Variants in SPAG16 observed in about 807,000 individuals in gnomAD.
The protein encoded by SPAG16 is sperm associated antigen 16, also known as sperm-associated antigen 16 protein.
A neutral mutation model predicts 80.4 loss-of-function variants in SPAG16; 86 were observed. The observed-to-expected ratio is 1.07, with a 90% confidence interval of 0.90 to 1.28. SPAG16 has a LOEUF of 1.28. Among genes scored for constraint, SPAG16 ranks in the 50% most tolerant of loss-of-function variants. The probability of loss-of-function intolerance (pLI) is 0.00; values close to 1 mark genes in which losing one functional copy is unlikely to be tolerated. For missense variants in SPAG16, 870 were observed against 765.3 expected (o/e 1.14, Z -1.61); for synonymous variants, 294 against 265.9 (o/e 1.11, Z -1.03).
rs78950603 is a variant in SPAG16 at position 214,389,638 on chromosome 2, G to A, written c.1721-20502G>A. On this transcript the variant is annotated intron_variant, in intron 15 of 15. Transcript: ENST00000331683. Reference sequence around the variant, plus strand: ...GACAGTAATAGGAGTGTTTAAGTAAGAGAACAAGCTTAATAGAGATGCCAC... The same window carrying A: ...GACAGTAATAGGAGTGTTTAAGTAAAAGAACAAGCTTAATAGAGATGCCAC... Among the ~76,000 whole-genome samples, 43 of 152,308 alleles carry A rather than the reference G, an allele frequency of 2.8e-4. No individual in the cohort carries two copies. The East Asian group carries it at 8.3e-3, about 29-fold the overall frequency.
chr2:214,208,547 CATAGTATA>C (rs1002469770), intron 15 of SPAG16, among the ~76,000 whole-genome samples: 10 of 152,144 alleles, frequency 6.6e-5, no homozygotes, highest in African/African-American at 2.4e-4. Context: ...ACATATCAGT[CATAGTATA>C]ATAGTATAAT....
intron 9 of SPAG16, among the ~76,000 whole-genome samples, chr2:213,474,498 TTA>T (rs1380025482): frequency 1.3e-5 from 2 of 152,134 alleles, no homozygotes; most frequent in Non-Finnish European, 2.9e-5. Flanking sequence ...GTCAAAGGTA[TTA>T]TATATATAGT....
intron 15 of SPAG16, among the ~76,000 whole-genome samples, chr2:214,401,576 T>A (rs1270432154): frequency 6.6e-6 from 1 of 151,948 alleles, no homozygotes; most frequent in Admixed American, 6.6e-5. Context: ...GAATGAATAA[T>A]CATGAGAAAT....
At chr2:213,928,763 T>C (rs936236824) in intron 11 of SPAG16, among the ~76,000 whole-genome samples, 9 of 152,130 alleles carry the variant, frequency 5.9e-5, no homozygotes, top group Non-Finnish European at 1.0e-4. Flanking sequence ...CATAAAACAG[T>C]CTGGCAGGGA....
intron 10 of SPAG16, among the ~76,000 whole-genome samples, chr2:213,537,406 A>G (rs1247814545): frequency 6.6e-6 from 1 of 152,114 alleles, no homozygotes; most frequent in Non-Finnish European, 1.5e-5. Flanking sequence ...CAAGGAAATA[A>G]TTACTAGATG....
At chr2:213,416,741 C>A (rs1358345811) in intron 9 of SPAG16, among the ~76,000 whole-genome samples, 2 of 152,044 alleles carry the variant, frequency 1.3e-5, no homozygotes, top group African/African-American at 4.8e-5. Context: ...TTGGATCCAG[C>A]CACAAGAGGA....
chr2:214,216,667 C>A (rs1204041097), intron 15 of SPAG16, among the ~76,000 whole-genome samples: 5 of 152,190 alleles, frequency 3.3e-5, no homozygotes, highest in Non-Finnish European at 7.3e-5. Context: ...TACATTTTTG[C>A]AGTACAAATA....
chr2:214,402,844 A>G (rs1701789348), intron 15 of SPAG16, among the ~76,000 whole-genome samples: 3 of 152,020 alleles, frequency 2.0e-5, no homozygotes, highest in African/African-American at 7.2e-5. Flanking sequence ...CACTAGGGCG[A>G]CCATGAATAT....
At chr2:213,825,707 T>C (rs1490861942) in intron 10 of SPAG16, among the ~76,000 whole-genome samples, 15 of 28,362 alleles carry the variant, frequency 5.3e-4, no homozygotes, top group South Asian at 0.013. Context: ...CTTTCTTTTT[T>C]TTTTTTTTTT....
chr2:214,254,519 G>A (rs146525077), intron 15 of SPAG16, among the ~76,000 whole-genome samples: 71 of 151,808 alleles, frequency 4.7e-4, no homozygotes, highest in Middle Eastern at 3.4e-3. Context: ...TAGGCGGGCT[G>A]TATATCTTAA....
chr2:214,385,996 G>T lies in SPAG16; in HGVS notation c.1721-24144G>T, dbSNP rs569663067. On this transcript the variant is annotated intron_variant, in intron 15 of 15. Transcript: ENST00000331683. ...TGCTTTCACATGGTCTCTTTTTCGG[G>T]ATCTTGATTTTCTATTAATATTCCA... 1.2e-3 allele frequency among the ~76,000 whole-genome samples: 183 copies of T among 152,176 alleles called. 1 individual carries two copies. Among genetic ancestry groups the T allele is most frequent in the African/African-American group, 4.3e-3 (178 of 41,504 alleles).
intron 10 of SPAG16, among the ~76,000 whole-genome samples, chr2:213,709,046 C>T (rs1361709416): frequency 6.6e-6 from 1 of 152,108 alleles, no homozygotes; most frequent in South Asian, 2.1e-4. Context: ...TCTGACTGCC[C>T]TCTAGCAAAA....
intron 15 of SPAG16, among the ~76,000 whole-genome samples, chr2:214,298,113 T>C (rs10203639): frequency 0.094 from 3,853 of 41,164 alleles, 60 homozygotes; most frequent in Admixed American, 0.13. Flanking sequence ...TATATATATA[T>C]ACACACACAC....
At chr2:213,881,244 TC>T (rs2076333054) in intron 11 of SPAG16, among the ~76,000 whole-genome samples, 1 of 152,162 alleles carries the variant, frequency 6.6e-6, no homozygotes, top group Non-Finnish European at 1.5e-5. Flanking sequence ...GAGATTGTGT[TC>T]CTGATTTGAC....
chr2:213,488,752 A>G (rs1444527246), intron 9 of SPAG16, among the ~76,000 whole-genome samples: 1 of 152,146 alleles, frequency 6.6e-6, no homozygotes, highest in Non-Finnish European at 1.5e-5. Context: ...GAAAATTTCT[A>G]TACGAATATG....
intron 10 of SPAG16, among the ~76,000 whole-genome samples, chr2:213,517,696 A>G (rs2075487275): frequency 6.6e-6 from 1 of 152,186 alleles, no homozygotes; most frequent in African/African-American, 2.4e-5. Flanking sequence ...GACAAAAACA[A>G]ATGGAGAAAG....
At chr2:213,688,323 G>T (rs1223141808) in intron 10 of SPAG16, among the ~76,000 whole-genome samples, 2 of 152,138 alleles carry the variant, frequency 1.3e-5, no homozygotes, top group Admixed American at 6.5e-5. Context: ...TAGACTCTCA[G>T]TTAATCTCTT....
chr2:213,695,245 A>T (rs1195864655), intron 10 of SPAG16, among the ~76,000 whole-genome samples: 1 of 152,104 alleles, frequency 6.6e-6, no homozygotes, highest in Non-Finnish European at 1.5e-5. Flanking sequence ...TTCTTACTTA[A>T]CACATGACCA....
At chr2:213,970,533 C>T (rs1245822379) in intron 12 of SPAG16, among the ~76,000 whole-genome samples, 1 of 152,226 alleles carries the variant, frequency 6.6e-6, no homozygotes, top group East Asian at 1.9e-4. Context: ...AGCTCCTGAA[C>T]ACAAGCAATC....
Sources: gnomAD v4.1 joint callset for allele counts (sites outside exome capture counted in the v4.1 genomes callset) on GRCh38, gnomAD v4.1.1 for gene constraint, MANE v1.5 for transcripts, NCBI Gene and HGNC (gene_info 2026-07-23, HGNC 2026-07-21) for gene names.